Variants in CPVL observed in about 807,000 individuals in gnomAD.
CPVL encodes the protein probable serine carboxypeptidase CPVL.
In CPVL, 51 loss-of-function variants were observed where a neutral mutation model predicts 63.7. The ratio of observed to expected loss-of-function variants is 0.80; its 90% CI spans 0.64 to 1.01. The LOEUF is 1.01. CPVL is among the 50% of genes least tolerant of loss of function. The pLI is 0.00. For synonymous variants in CPVL, 195 were observed against 206.0 expected (o/e 0.95, Z 0.46); for missense variants, 530 against 573.1 (o/e 0.92, Z 0.77).
At chr7:29,177,736 C>T (rs1797552670) in intron 5 of CPVL, among the ~76,000 whole-genome samples, 1 of 151,960 alleles carries the variant, frequency 6.6e-6, no homozygotes, top group African/African-American at 2.4e-5. Context: ...CCAGCTATAC[C>T]CCAACCCTCT....
At chr7:29,026,161 A>G (rs900917930) in intron 12 of CPVL, among the ~76,000 whole-genome samples, 1 of 152,222 alleles carries the variant, frequency 6.6e-6, no homozygotes, top group African/African-American at 2.4e-5. Context: ...ATCAATACCA[A>G]GGAAAACTTT....
chr7:29,176,382 A>G (rs544616473), intron 5 of CPVL, among the ~76,000 whole-genome samples: 3 of 152,328 alleles, frequency 2.0e-5, no homozygotes, highest in Admixed American at 6.5e-5. Flanking sequence ...AATGCCAAAA[A>G]GAAATAATAA....
At chr7:29,088,225 A>G (rs1785404813) in intron 6 of CPVL, among the ~76,000 whole-genome samples, 1 of 152,252 alleles carries the variant, frequency 6.6e-6, no homozygotes, top group Admixed American at 6.5e-5. Flanking sequence ...ATGGCTTAGT[A>G]TAAGTATGTC....
chr7:28,996,977 C>T (rs73088034), intron 12 of CPVL, among the ~76,000 whole-genome samples: 14,989 of 152,284 alleles, frequency 0.098, 842 homozygotes, highest in Middle Eastern at 0.17. Context: ...CAGACACCTA[C>T]GTAACCCAAG....
At chr7:29,030,801 G>A (rs771529816) in intron 11 of CPVL, 42 bp from the exon 12 acceptor site, 6 of 1,542,632 alleles carry the variant, frequency 3.9e-6, no homozygotes, top group Non-Finnish European at 5.3e-6. Context: ...AGATTCAGGA[G>A]GTGAAGCTCA....
At chr7:29,134,856 T>C (rs1379855746) in intron 1 of CPVL, among the ~76,000 whole-genome samples, 1 of 152,058 alleles carries the variant, frequency 6.6e-6, no homozygotes. Flanking sequence ...TCCCAGAACC[T>C]TGGGAGACCA....
chr7:29,112,757 T>C lies in CPVL; in HGVS notation c.235A>G (p.Thr79Ala), dbSNP rs776115114. Reference protein sequence around the residue: ...LNMKSYAGFLTVNKTYNSNLF... With the variant: ...LNMKSYAGFLAVNKTYNSNLF... The stretch of plus-strand genomic sequence containing the variant: ...TTGCTGTTGTAAGTCTTATTCACGG[T>C]GAGGAAGCCGGCATAACTCTTCATG... The change falls in exon 3 of 13, where the codon ACC (threonine) becomes GCC (alanine). Residue 79 changes from threonine to alanine, a missense_variant. Transcript: ENST00000265394. 1.2e-6 allele frequency: 2 copies of C among 1,613,756 alleles called. No homozygotes were observed. Among genetic ancestry groups the C allele is most frequent in the Non-Finnish European group, 1.7e-6 (2 of 1,179,888 alleles).
chr7:29,094,864 G>A (rs535144044), intron 5 of CPVL, among the ~76,000 whole-genome samples: 3 of 151,860 alleles, frequency 2.0e-5, no homozygotes, highest in South Asian at 2.1e-4. Flanking sequence ...AAAAAAAAAT[G>A]AGGAAATGAG....
intron 10 of CPVL, among the ~76,000 whole-genome samples, chr7:29,065,615 T>C (rs906157456): frequency 6.6e-6 from 1 of 152,188 alleles, no homozygotes; most frequent in Admixed American, 6.5e-5. Context: ...CATTAAGGCT[T>C]TGGCAGTTTT....
intron 5 of CPVL, among the ~76,000 whole-genome samples, chr7:29,155,569 A>G (rs1268941339): frequency 6.6e-6 from 1 of 152,220 alleles, no homozygotes; most frequent in East Asian, 1.9e-4. Flanking sequence ...GAATTCAAGC[A>G]TAGGTCTCTC....
chr7:29,019,453 T>A (rs1786738075), intron 12 of CPVL, among the ~76,000 whole-genome samples: 1 of 152,160 alleles, frequency 6.6e-6, no homozygotes, highest in Non-Finnish European at 1.5e-5. Flanking sequence ...TTGATGTGAA[T>A]ACACAGGGAA....
At chr7:29,130,048 C>T (rs983801672) in intron 1 of CPVL, among the ~76,000 whole-genome samples, 2 of 152,190 alleles carry the variant, frequency 1.3e-5, no homozygotes, top group Non-Finnish European at 2.9e-5. Context: ...TAATTTTGGA[C>T]TCTACCATTC....
intron 12 of CPVL, among the ~76,000 whole-genome samples, chr7:29,017,623 A>G (rs1786546248): frequency 6.6e-6 from 1 of 151,944 alleles, no homozygotes; most frequent in Non-Finnish European, 1.5e-5. Flanking sequence ...ACACAGCAGG[A>G]CTCCCTCTCA....
At position 29,064,231 on chromosome 7, in the gene CPVL, G is replaced by A. The variant is rs1200521846; in HGVS notation, c.967C>T (p.Pro323Ser). The A allele has an allele frequency of 1.2e-6, 2 of 1,608,638 alleles. No homozygotes were observed. Among genetic ancestry groups the A allele is most frequent in the Non-Finnish European group, 1.7e-6 (2 of 1,175,858 alleles). ...NYYNFLRCTE[P>S]EDQLYYVKFL... ...TTCACATAGTAAAGCTGATCCTCAG[G>A]TTCCTGGCAGAAGGGGCATTGGAAA... is the stretch of plus-strand genomic sequence containing the variant. The change falls in exon 11 of 13, where the codon CCT becomes TCT. Residue 323 changes from proline to serine, a missense_variant. By Grantham distance (74) the Pro-to-Ser change is moderately conservative. Transcript: ENST00000265394.
At chr7:29,008,846 CA>C (rs1237516822) in intron 12 of CPVL, 1 of 151,982 alleles carries the variant, frequency 6.6e-6, no homozygotes, top group East Asian at 1.9e-4. Context: ...CTTGTTGTTT[CA>C]ATGGAAAAGT....
At chr7:29,074,684 G>A (rs1169566183) in intron 7 of CPVL, among the ~76,000 whole-genome samples, 4 of 151,524 alleles carry the variant, frequency 2.6e-5, no homozygotes, top group Non-Finnish European at 5.9e-5. Context: ...GAGTTCTCAC[G>A]AGAGCTGATG....
At chr7:29,113,008 A>T (rs1319059329) in intron 2 of CPVL, 186 bp from the exon 3 acceptor site, 1 of 500,142 alleles carries the variant, frequency 2.0e-6, no homozygotes, top group Non-Finnish European at 3.6e-6. Flanking sequence ...CACGTTCACA[A>T]TTTAGCCAAG....
chr7:29,173,949 CAAA>C (rs74313059), intron 5 of CPVL, among the ~76,000 whole-genome samples: 1 of 115,800 alleles, frequency 8.6e-6, no homozygotes. Flanking sequence ...GAGACTGACT[CAAA>C]AAAAAAAAAA....
intron 1 of CPVL, among the ~76,000 whole-genome samples, chr7:29,140,124 C>G (rs1791707576): frequency 6.6e-6 from 1 of 152,184 alleles, no homozygotes; most frequent in Non-Finnish European, 1.5e-5. Flanking sequence ...ACTAAACAAT[C>G]ACATTTCTTG....
Sources: allele counts gnomAD v4.1 joint callset (sites outside exome capture counted in the v4.1 genomes callset), GRCh38; gene constraint gnomAD v4.1.1; transcripts MANE v1.5; gene names NCBI Gene and HGNC (gene_info 2026-07-23, HGNC 2026-07-21).